NCK1: variants seen among roughly 807,000 people sequenced by gnomAD.
NCK1 encodes the protein NCK adaptor protein 1.
A neutral mutation model predicts 36.6 loss-of-function variants in NCK1; 19 were observed. The ratio of observed to expected loss-of-function variants is 0.52; its 90% confidence interval spans 0.36 to 0.76. NCK1 has a LOEUF of 0.76. NCK1 is among the 30% of genes least tolerant of loss of function. NCK1 has a pLI of 0.00. For synonymous variants in NCK1, 165 were observed against 156.0 expected (o/e 1.06, Z -0.43); for missense variants, 358 against 445.6 (o/e 0.80, Z 1.77).
intron 1 of NCK1, among the ~76,000 whole-genome samples, chr3:136,865,432 T>G (rs1938386353): frequency 6.6e-6 from 1 of 152,186 alleles, no homozygotes; most frequent in South Asian, 2.1e-4. Flanking sequence ...TTTCATTGCT[T>G]TGTACTTTTA....
At chr3:136,913,530 A>G (rs1264121102) in intron 1 of NCK1, among the ~76,000 whole-genome samples, 6 of 152,106 alleles carry the variant, frequency 3.9e-5, no homozygotes, top group Non-Finnish European at 2.9e-5. Context: ...GGCCTCTCAA[A>G]GTCTTGGAAT....
chr3:136,878,823 G>A (rs1273640093), intron 1 of NCK1, among the ~76,000 whole-genome samples: 2 of 152,096 alleles, frequency 1.3e-5, no homozygotes, highest in Admixed American at 6.6e-5. Flanking sequence ...CACTGAGGGT[G>A]GGCCCTAGAC....
chr3:136,866,457 G>A (rs1938414663), intron 1 of NCK1, among the ~76,000 whole-genome samples: 1 of 151,504 alleles, frequency 6.6e-6, no homozygotes, highest in Admixed American at 6.6e-5. Flanking sequence ...ACAGGCATGC[G>A]CCACCATGCC....
At chr3:136,924,097 GA>G (rs1258030616) in intron 1 of NCK1, among the ~76,000 whole-genome samples, 1 of 152,148 alleles carries the variant, frequency 6.6e-6, no homozygotes, top group African/African-American at 2.4e-5. Context: ...GTAGAGGTTT[GA>G]TGGGGGAACT....
chr3:136,938,839 A>T (rs1940600377), intron 2 of NCK1, among the ~76,000 whole-genome samples: 1 of 152,242 alleles, frequency 6.6e-6, no homozygotes, highest in Non-Finnish European at 1.5e-5. Flanking sequence ...AGTATTTGCT[A>T]ATTCAGTATT....
intron 1 of NCK1, among the ~76,000 whole-genome samples, chr3:136,866,349 C>T (rs192788191): frequency 5.3e-5 from 8 of 151,432 alleles, no homozygotes; most frequent in Non-Finnish European, 1.2e-4. Flanking sequence ...GCTCTGTTGC[C>T]CAGGCTGGAG....
At chr3:136,900,898 T>C (rs2108099900) in intron 1 of NCK1, among the ~76,000 whole-genome samples, 1 of 152,328 alleles carries the variant, frequency 6.6e-6, no homozygotes, top group East Asian at 1.9e-4. Flanking sequence ...GGATGCCTTT[T>C]CTTTTTTTCC....
intron 2 of NCK1, among the ~76,000 whole-genome samples, chr3:136,942,737 T>G (rs1442229519): frequency 6.6e-6 from 1 of 152,298 alleles, no homozygotes; most frequent in Admixed American, 6.5e-5. Flanking sequence ...CCATGTATAT[T>G]CTTTCCCATC....
chr3:136,930,742 G>A, intron 2 of NCK1: 1 of 578,154 alleles, frequency 1.7e-6, no homozygotes, highest in Non-Finnish European at 2.5e-6. Flanking sequence ...AATGATTGGT[G>A]ATATATCCAA....
At chr3:136,883,964 C>T (rs895636741) in intron 1 of NCK1, among the ~76,000 whole-genome samples, 1 of 152,140 alleles carries the variant, frequency 6.6e-6, no homozygotes, top group Admixed American at 6.6e-5. Context: ...GGAGATGATG[C>T]ATATTCAATT....
At chr3:136,940,080 G>A (rs1423654741) in intron 2 of NCK1, among the ~76,000 whole-genome samples, 10 of 151,916 alleles carry the variant, frequency 6.6e-5, no homozygotes, top group East Asian at 1.9e-4. Context: ...CCAGGCTGCC[G>A]TCAGACTCCT....
chr3:136,912,421 T>C (rs2108112510), intron 1 of NCK1, among the ~76,000 whole-genome samples: 1 of 152,200 alleles, frequency 6.6e-6, no homozygotes, highest in South Asian at 2.1e-4. Context: ...CCCTCTACTT[T>C]TGGCATTCCC....
At chr3:136,884,474 C>G (rs1939023351) in intron 1 of NCK1, among the ~76,000 whole-genome samples, 1 of 152,138 alleles carries the variant, frequency 6.6e-6, no homozygotes, top group Non-Finnish European at 1.5e-5. Flanking sequence ...CACGGTCCTG[C>G]TCTGTGGCCC....
At chr3:136,896,318 G>T (rs1939390241) in intron 1 of NCK1, among the ~76,000 whole-genome samples, 1 of 152,080 alleles carries the variant, frequency 6.6e-6, no homozygotes. Flanking sequence ...AGATTTTGGT[G>T]TCTGTCATTC....
chr3:136,867,046 GCTTTTCTTTCTTTCTTTCTTTCTTT>G (rs2108061760), intron 1 of NCK1, among the ~76,000 whole-genome samples: 1 of 77,168 alleles, frequency 1.3e-5, no homozygotes. Flanking sequence ...TATGTTGCTT[GCTTTTCTTTCTTTCTTTCTTTCTTT>G]CTTTCTTTCT....
intron 2 of NCK1, among the ~76,000 whole-genome samples, chr3:136,940,158 T>A (rs925373489): frequency 2.6e-5 from 4 of 152,306 alleles, no homozygotes; most frequent in Non-Finnish European, 4.4e-5. Flanking sequence ...CCACTGTGCC[T>A]GGCCTATTGA....
intron 1 of NCK1, among the ~76,000 whole-genome samples, chr3:136,871,910 C>T (rs748014796): frequency 2.0e-5 from 3 of 152,192 alleles, no homozygotes; most frequent in Non-Finnish European, 4.4e-5. Context: ...TAACCTTGTG[C>T]CATGATTGTG....
At chr3:136,873,058 G>A (rs2108069711) in intron 1 of NCK1, among the ~76,000 whole-genome samples, 1 of 152,336 alleles carries the variant, frequency 6.6e-6, no homozygotes, top group East Asian at 1.9e-4. Context: ...GCCTAGTGGA[G>A]CTGTGAGAAG....
chr3:136,904,832 T>C (rs1020708820), intron 1 of NCK1, among the ~76,000 whole-genome samples: 2 of 98,452 alleles, frequency 2.0e-5, no homozygotes, highest in Non-Finnish European at 4.2e-5. Flanking sequence ...CAGGCTTTTC[T>C]CATTTTTTTT....
Sources: gnomAD v4.1 joint callset for allele counts (sites outside exome capture counted in the v4.1 genomes callset) on GRCh38, gnomAD v4.1.1 for gene constraint, MANE v1.5 for transcripts, NCBI Gene and HGNC (gene_info 2026-07-23, HGNC 2026-07-21) for gene names.